COL18A1: variants seen among roughly 807,000 people sequenced by gnomAD.
COL18A1 encodes the protein collagen alpha-1(XVIII) chain.
A neutral mutation model predicts 168.0 loss-of-function variants in COL18A1; 133 were observed. The observed-to-expected ratio is 0.79, with a 90% confidence interval of 0.69 to 0.91. The LOEUF (loss-of-function observed/expected upper bound fraction) is 0.91, where lower values mean the gene tolerates loss of function less well. COL18A1 is among the 40% of genes least tolerant of loss of function. COL18A1 has a pLI of 0.00. For synonymous variants in COL18A1, 949 were observed against 809.0 expected (o/e 1.17, Z -2.94); for missense variants, 2,126 against 1,925.4 (o/e 1.10, Z -1.95).
Position 45,439,102 on chromosome 21 carries a change from C to T in COL18A1, c.107-29140C>T, listed in dbSNP as rs1221656952. ...CACCAGGCATCCCACAAATGTGACC[C>T]TTATGTGTCTGTTAAAAACTACACT... On this transcript the variant is annotated intron_variant, in intron 2 of 41. Coordinates refer to ENST00000651438, the MANE Select transcript of COL18A1 (RefSeq NM_001379500.1). Among the ~76,000 whole-genome samples the T allele has an allele frequency of 2.6e-5, 4 of 152,374 alleles. No individual in the cohort carries two copies. In the South Asian group the frequency reaches 6.2e-4, roughly 24 times the overall value.
chr21:45,490,769 TC>T, intron 20 of COL18A1, 66 bp from the exon 21 acceptor site: 1 of 1,484,760 alleles, frequency 6.7e-7, no homozygotes, highest in Admixed American at 2.0e-5. Context: ...ATCAGAGCCA[TC>T]CCTCACGGGG....
chr21:45,480,255 T>C, intron 11 of COL18A1, 99 bp downstream of exon 11: 1 of 1,131,150 alleles, frequency 8.8e-7, no homozygotes, highest in Non-Finnish European at 1.3e-6. Flanking sequence ...CTCAGGGGCT[T>C]GCGTGGGGTC....
intron 32 of COL18A1, among the ~76,000 whole-genome samples, chr21:45,501,493 C>T (rs1274740034): frequency 6.6e-6 from 1 of 152,142 alleles, no homozygotes; most frequent in East Asian, 1.9e-4. Flanking sequence ...GGGAAGTGCC[C>T]ACAGGGCAGT....
At chr21:45,468,178 C>T (rs1227539528) in intron 2 of COL18A1, 64 bp from the exon 3 acceptor site, 5 of 1,577,262 alleles carry the variant, frequency 3.2e-6, no homozygotes, top group African/African-American at 1.3e-5. Flanking sequence ...CCTCTCCAGG[C>T]CGCGTCGGTG....
intron 5 of COL18A1, among the ~76,000 whole-genome samples, chr21:45,476,020 C>T (rs1054925064): frequency 2.0e-5 from 3 of 152,314 alleles, no homozygotes; most frequent in East Asian, 3.9e-4. Context: ...CGGTGCTGTC[C>T]GTGAGAGACG....
rs377547341 is a variant in COL18A1, at chr21:45,468,609, C to T, written c.474C>T (p.Phe158=). 38 of 1,613,934 alleles carry T rather than the reference C, an allele frequency of 2.4e-5. No individual in the cohort carries two copies. Among genetic ancestry groups the T allele is most frequent in the East Asian group, 1.1e-4 (5 of 44,890 alleles). The change falls in exon 3 of 42, where the codon TTC becomes TTT. Residue 158 remains phenylalanine (F), a synonymous_variant. Transcript: ENST00000651438. ...HTAASFRLPA[F]VGQWTHLALS... ...CCGCCAGCTTCCGGCTCCCCGCCTT[C>T]GTCGGCCAGTGGACACACTTAGCCC...
rs150744817 is a variant in COL18A1 at position 45,499,240 on chromosome 21, T to A, written c.2683+1579T>A. Among the ~76,000 whole-genome samples, 435 of 152,124 alleles carry A rather than the reference T, an allele frequency of 2.9e-3. 2 individuals carry two copies. The highest frequency in any genetic ancestry group is 9.8e-3 in the African/African-American group (406 of 41,436). On this transcript the variant is annotated intron_variant, in intron 32 of 41. Transcript: ENST00000651438. ...CGAGGATGACATGCAGGCCAGCCAC[T>A]CCAGACCCGAGCTGTGTCGGCAGTG...
intron 2 of COL18A1, among the ~76,000 whole-genome samples, chr21:45,413,102 C>T (rs978046876): frequency 7.2e-5 from 11 of 152,276 alleles, no homozygotes; most frequent in Admixed American, 5.9e-4. Flanking sequence ...TGAGGCCAGC[C>T]GGTCCTGAGG....
At chr21:45,505,107 G>A in intron 34 of COL18A1, 27 bp from the exon 35 acceptor site, 1 of 1,603,732 alleles carries the variant, frequency 6.2e-7, no homozygotes, top group Non-Finnish European at 8.5e-7. Flanking sequence ...GAGGTAACCA[G>A]GAAGCGTCTC....
Position 45,512,521 on chromosome 21 carries a change from T to TC in COL18A1, c.*124dup. 1.2e-6 allele frequency: 1 copy of TC among 844,622 alleles called. No homozygotes were observed. The highest frequency in any genetic ancestry group is 1.5e-5 in the South Asian group (1 of 65,942). The allele number at this position is 844,622 out of a possible 1,614,324, so 52.3% of individuals were successfully genotyped here. ...TGGCTGCCATACTTTCCTGTATAGT[T>TC]CACGTTTCATGTAATCCTCAAGAAA... is the stretch of plus-strand genomic sequence containing the variant. On this transcript the variant is annotated 3_prime_UTR_variant, in exon 42 of 42. Transcript: ENST00000651438.
intron 3 of COL18A1, among the ~76,000 whole-genome samples, chr21:45,472,504 C>A (rs2035475962): frequency 6.6e-6 from 1 of 152,226 alleles, no homozygotes; most frequent in South Asian, 2.1e-4. Context: ...AGCCACTGCG[C>A]CCGGCCGAAG....
chr21:45,491,217 T>G lies in COL18A1; in HGVS notation c.2068-8T>G, dbSNP rs931497229. The G allele has an allele frequency of 6.2e-7, 1 of 1,609,492 alleles. No homozygotes were observed. Among genetic ancestry groups the G allele is most frequent in the African/African-American group, 1.3e-5 (1 of 74,836 alleles). On this transcript the variant is annotated splice_polypyrimidine_tract_variant and splice_region_variant and intron_variant, in intron 21 of 41. Transcript: ENST00000651438. ...ATGAAATGCCGGACGCGTGGCCTCC[T>G]CTTCCAGGGAGATCCAGGGAAGGAC... is the stretch of plus-strand genomic sequence containing the variant.
At chr21:45,438,670 C>T (rs1195152039) in intron 2 of COL18A1, among the ~76,000 whole-genome samples, 2 of 152,230 alleles carry the variant, frequency 1.3e-5, no homozygotes, top group East Asian at 3.9e-4. Flanking sequence ...CCTTCCATGG[C>T]TGTTCAACTC....
intron 2 of COL18A1, among the ~76,000 whole-genome samples, chr21:45,437,782 TCA>T (rs1231786245): frequency 1.3e-4 from 3 of 22,226 alleles, no homozygotes; most frequent in Admixed American, 1.3e-3. Flanking sequence ...ACACACACAC[TCA>T]CTCACACACA....
At chr21:45,459,423 G>C (rs1334748240) in intron 2 of COL18A1, among the ~76,000 whole-genome samples, 1 of 152,204 alleles carries the variant, frequency 6.6e-6, no homozygotes, top group Non-Finnish European at 1.5e-5. Context: ...CATCTCCAGG[G>C]ATCAGGGAGT....
intron 36 of COL18A1, 128 bp from the exon 37 acceptor site, chr21:45,505,710 G>C: frequency 1.3e-6 from 1 of 788,480 alleles, no homozygotes; most frequent in South Asian, 1.5e-5. Flanking sequence ...GGGGGCAGCC[G>C]CCTCAGTCCA....
rs560867891 is a variant in COL18A1 at position 45,479,967 on chromosome 21, G to A, written c.1311+3G>A. 2.5e-6 allele frequency: 4 copies of A among 1,613,878 alleles called. No homozygotes were observed. The highest frequency in any genetic ancestry group is 2.7e-5 in the African/African-American group (2 of 74,976). The stretch of plus-strand genomic sequence containing the variant: ...ACGTAGGTCCCAAGGGCGACAAGGT[G>A]AGTCTCCGTGGCTGGGTGGGGCCCC... On this transcript the variant is annotated splice_donor_region_variant and intron_variant, in intron 10 of 41. Coordinates refer to ENST00000651438, the MANE Select transcript of COL18A1 (RefSeq NM_001379500.1).
At chr21:45,462,888 C>G (rs768814205) in intron 2 of COL18A1, among the ~76,000 whole-genome samples, 1 of 152,132 alleles carries the variant, frequency 6.6e-6, no homozygotes, top group African/African-American at 2.4e-5. Flanking sequence ...CACCAGCGTT[C>G]GCTTTTTTTT....
intron 2 of COL18A1, among the ~76,000 whole-genome samples, chr21:45,462,052 C>T (rs1161108862): frequency 6.6e-6 from 1 of 152,100 alleles, no homozygotes; most frequent in Non-Finnish European, 1.5e-5. Flanking sequence ...TCTTGGTTAA[C>T]AGTTTTTTTT....
Sources: gnomAD v4.1 joint callset for allele counts (sites outside exome capture counted in the v4.1 genomes callset) on GRCh38, gnomAD v4.1.1 for gene constraint, MANE v1.5 for transcripts, NCBI Gene and HGNC (gene_info 2026-07-23, HGNC 2026-07-21) for gene names.